Variants in PREP observed in about 807,000 individuals in gnomAD.
The protein encoded by PREP is prolyl endopeptidase, also known as dJ355L5.1 (prolyl endopeptidase).
PREP carries 29 observed loss-of-function variants against 87.6 expected under a neutral mutation model. The ratio of observed to expected loss-of-function variants is 0.33; its 90% CI spans 0.25 to 0.45. The LOEUF (loss-of-function observed/expected upper bound fraction) is 0.45. Among genes scored for constraint, PREP ranks in the 20% least tolerant of loss-of-function variants. The pLI is 1.00. For synonymous variants in PREP, 337 were observed against 328.6 expected (o/e 1.03, Z -0.28); for missense variants, 695 against 886.5 (o/e 0.78, Z 2.74).
intron 7 of PREP, among the ~76,000 whole-genome samples, chr6:105,339,011 T>A (rs955610972): frequency 6.6e-6 from 1 of 152,230 alleles, no homozygotes; most frequent in Non-Finnish European, 1.5e-5. Flanking sequence ...TAAACATCCC[T>A]GTCTGATAGC....
chr6:105,285,886 C>T (rs1335476485), intron 11 of PREP, among the ~76,000 whole-genome samples: 1 of 152,204 alleles, frequency 6.6e-6, no homozygotes, highest in Non-Finnish European at 1.5e-5. Context: ...AGTGATCCTT[C>T]TGCCTCAGCC....
Position 105,281,916 on chromosome 6 carries a change from G to A in PREP, c.1682-14C>T, listed in dbSNP as rs760567731. 14 of 1,611,298 alleles carry A rather than the reference G, an allele frequency of 8.7e-6. No individual in the cohort carries two copies. The highest frequency in any genetic ancestry group is 1.7e-5 in the Admixed American group (1 of 59,396). ...TTGCACAAGCAGCTAAAAGCCCAAC[G>A]TAGAAAGAAAAGGGAGGCAGTCTAT... On this transcript the variant is annotated splice_polypyrimidine_tract_variant and intron_variant, in intron 13 of 14. Coordinates refer to ENST00000652536, the MANE Select transcript of PREP (RefSeq NM_002726.5).
chr6:105,349,190 G>A (rs1326038569), intron 7 of PREP, among the ~76,000 whole-genome samples: 1 of 152,186 alleles, frequency 6.6e-6, no homozygotes, highest in African/African-American at 2.4e-5. Flanking sequence ...CTGGGTAAAG[G>A]ATGTGATCCA....
Position 105,278,024 on chromosome 6 carries a change from G to T in PREP, c.*120C>A. 7.7e-7 allele frequency: 1 copy of T among 1,300,874 alleles called. No individual in the cohort carries two copies. 80.6% of individuals were successfully genotyped at this position (1,300,874 alleles called of 1,614,324 possible). On this transcript the variant is annotated 3_prime_UTR_variant, in exon 15 of 15. Coordinates refer to ENST00000652536, the MANE Select transcript of PREP (RefSeq NM_002726.5). This position sits in a 1 kb window ranked among gnomAD's most constrained non-coding sequence, Gnocchi z 4.2. ...CCCACGGCAGTTCTGTTCAACTGTAGCCTGTGAGTGCAGGAATAATGTTCC... is the reference window on the plus strand; with the variant it reads ...CCCACGGCAGTTCTGTTCAACTGTATCCTGTGAGTGCAGGAATAATGTTCC...
intron 2 of PREP, among the ~76,000 whole-genome samples, chr6:105,378,988 T>G (rs1405591462): frequency 6.6e-6 from 1 of 152,356 alleles, no homozygotes; most frequent in East Asian, 1.9e-4. Context: ...TGAGACAAAC[T>G]GTTCCAAAGC....
At chr6:105,344,816 C>G (rs537550001) in intron 7 of PREP, among the ~76,000 whole-genome samples, 2 of 152,208 alleles carry the variant, frequency 1.3e-5, no homozygotes, top group East Asian at 3.9e-4. Flanking sequence ...TACCCTAAAA[C>G]TGAAAGTATA....
rs1368601439 is a variant in PREP at position 105,333,478 on chromosome 6, T to C, written c.851A>G (p.Asp284Gly). Residue 284 changes from aspartate (D) to glycine (G), a missense_variant, in exon 8 of 15, where the codon GAC becomes GGC. Physicochemically the swap from Asp to Gly is moderately conservative, Grantham distance 94 (BLOSUM62 -1). Coordinates refer to ENST00000652536, the MANE Select transcript of PREP (RefSeq NM_002726.5). ...GTAGTCATATTCCCCTTCAAAGTTG[T>C]CAATCAGTTTTACCCACTTCAGGAT... Reference protein sequence around the residue: ...AGILKWVKLIDNFEGEYDYVT... With the variant: ...AGILKWVKLIGNFEGEYDYVT... 1 of 1,614,154 alleles carries C rather than the reference T, an allele frequency of 6.2e-7. No homozygotes were observed.
At chr6:105,318,404 T>C (rs763532225) in intron 10 of PREP, among the ~76,000 whole-genome samples, 5 of 152,178 alleles carry the variant, frequency 3.3e-5, no homozygotes, top group Non-Finnish European at 5.9e-5. Context: ...AGAGAATTTA[T>C]GTACAGTGGA....
At chr6:105,297,829 C>T (rs1200504853) in intron 10 of PREP, among the ~76,000 whole-genome samples, 3 of 151,788 alleles carry the variant, frequency 2.0e-5, no homozygotes, top group African/African-American at 7.3e-5. Flanking sequence ...GACCTGGCAC[C>T]CCCTTTCACC....
chr6:105,331,283 T>C (rs985748917), intron 8 of PREP, among the ~76,000 whole-genome samples: 2 of 152,174 alleles, frequency 1.3e-5, no homozygotes, highest in African/African-American at 4.8e-5. Context: ...TTATAACCTT[T>C]CAGAAGGAAG....
intron 10 of PREP, among the ~76,000 whole-genome samples, chr6:105,322,078 T>C (rs1220217693): frequency 6.6e-6 from 1 of 151,404 alleles, no homozygotes; most frequent in Non-Finnish European, 1.5e-5. Context: ...TTTCTACAAA[T>C]TAGAGGAAAA....
At chr6:105,374,623 T>G (rs1772638194) in intron 4 of PREP, among the ~76,000 whole-genome samples, 2 of 113,618 alleles carry the variant, frequency 1.8e-5, no homozygotes, top group Non-Finnish European at 3.5e-5. Flanking sequence ...ACTGGAGTGT[T>G]TGAATTGTTT....
intron 10 of PREP, among the ~76,000 whole-genome samples, chr6:105,304,519 G>A (rs995398877): frequency 2.0e-5 from 3 of 152,144 alleles, no homozygotes; most frequent in Non-Finnish European, 4.4e-5. Context: ...AAGGAAATCA[G>A]CCAATCCCCT....
chr6:105,325,583 T>C (rs566424801), intron 9 of PREP, among the ~76,000 whole-genome samples: 15 of 152,338 alleles, frequency 9.8e-5, no homozygotes, highest in Admixed American at 7.8e-4. Context: ...CCAGAAGTGG[T>C]ACCTTGAAGG....
chr6:105,322,516 G>C, intron 10 of PREP: 1 of 985,732 alleles, frequency 1.0e-6, no homozygotes, highest in Non-Finnish European at 1.2e-6. Context: ...TGTCTATCAA[G>C]AATGTTGTAC....
chr6:105,334,326 G>A (rs1771423457), intron 7 of PREP, among the ~76,000 whole-genome samples: 2 of 152,258 alleles, frequency 1.3e-5, no homozygotes, highest in Admixed American at 1.3e-4. Context: ...TCCTTTACTG[G>A]CATTGGCCTT....
At chr6:105,280,914 T>TTTAC (rs1162793912) in intron 14 of PREP, 1 of 152,218 alleles carries the variant, frequency 6.6e-6, no homozygotes, top group Non-Finnish European at 1.5e-5. Context: ...GCATATATTC[T>TTTAC]TTACTTAATT....
chr6:105,385,309 A>G (rs1394392575), intron 2 of PREP, among the ~76,000 whole-genome samples: 1 of 151,608 alleles, frequency 6.6e-6, no homozygotes, highest in Non-Finnish European at 1.5e-5. Flanking sequence ...AAAAGAAAAA[A>G]AGCACATTTA....
At chr6:105,282,063 G>A (rs1160105592) in intron 13 of PREP, among the ~76,000 whole-genome samples, 161 bp from the exon 14 acceptor site, 1 of 152,074 alleles carries the variant, frequency 6.6e-6, no homozygotes, top group Non-Finnish European at 1.5e-5. Flanking sequence ...TAGCCCCAAA[G>A]CTCCCCACCC....
Sources: allele counts gnomAD v4.1 joint callset (sites outside exome capture counted in the v4.1 genomes callset), GRCh38; gene constraint gnomAD v4.1.1; non-coding constraint Gnocchi (gnomAD v3.1); transcripts MANE v1.5; gene names NCBI Gene and HGNC (gene_info 2026-07-23, HGNC 2026-07-21).